KNDC1: variants seen among roughly 807,000 people sequenced by gnomAD.
The protein encoded by KNDC1 is kinase non-catalytic C-lobe domain-containing protein 1.
KNDC1 carries 106 observed loss-of-function variants against 172.8 expected under a neutral mutation model. The ratio of observed to expected loss-of-function variants is 0.61; its 90% CI spans 0.52 to 0.72. KNDC1 has a LOEUF of 0.72. KNDC1 is among the 30% of genes least tolerant of loss of function. The pLI is 0.00. For synonymous variants in KNDC1, 1,083 were observed against 1,062.2 expected (o/e 1.02, Z -0.38); for missense variants, 2,325 against 2,394.5 (o/e 0.97, Z 0.61).
At chr10:133,188,696 C>T in intron 7 of KNDC1, 43 bp downstream of exon 7, 1 of 1,089,696 alleles carries the variant, frequency 9.2e-7, no homozygotes, top group East Asian at 4.0e-5. Context: ...TCCCCACCCC[C>T]CACTGCTGTT....
chr10:133,185,189 G>A (rs530107263), intron 5 of KNDC1, among the ~76,000 whole-genome samples: 44 of 150,646 alleles, frequency 2.9e-4, no homozygotes, highest in African/African-American at 1.1e-3. Flanking sequence ...TGTGCAGTGT[G>A]GAGTAGGCAG....
At chr10:133,219,808 G>A in intron 28 of KNDC1, 147 bp from the exon 29 acceptor site, 2 of 766,526 alleles carry the variant, frequency 2.6e-6, no homozygotes, top group Non-Finnish European at 4.0e-6. Context: ...ATTCGGGACT[G>A]GAAGCTAATT....
chr10:133,192,433 A>G (rs1442505543), intron 9 of KNDC1, among the ~76,000 whole-genome samples: 1 of 152,222 alleles, frequency 6.6e-6, no homozygotes, highest in Admixed American at 6.5e-5. Context: ...GGAAGATGTC[A>G]AACTGAATGA....
At chr10:133,215,525 A>C (rs1361251787) in intron 26 of KNDC1, among the ~76,000 whole-genome samples, 1 of 152,232 alleles carries the variant, frequency 6.6e-6, no homozygotes, top group Admixed American at 6.5e-5. Context: ...CTTTCCTCAG[A>C]TCCATGGTTT....
rs1159241722 is a variant in KNDC1 at position 133,212,844 on chromosome 10, G to A, written c.4365G>A (p.Lys1455=). The A allele has an allele frequency of 6.2e-7, 1 of 1,613,872 alleles. No individual in the cohort carries two copies. Among genetic ancestry groups the A allele is most frequent in the African/African-American group, 1.3e-5 (1 of 74,934 alleles). The change falls in exon 24 of 30, where the codon AAG becomes AAA. Residue 1455 remains lysine, a synonymous_variant. Transcript: ENST00000304613. ...AGGACTTCTACGGCCCCTGCGCCAA[G>A]ACCAGTGAGAAGGGGCCCTACTTCC... The part of the protein sequence containing the change: ...FLEDFYGPCA[K]TSEKGPYFLT...
At chr10:133,165,756 C>T (rs536271750) in intron 1 of KNDC1, among the ~76,000 whole-genome samples, 2 of 152,262 alleles carry the variant, frequency 1.3e-5, no homozygotes, top group Admixed American at 6.5e-5. Flanking sequence ...TCACAGGCGT[C>T]GCTGGGAGCT....
intron 5 of KNDC1, among the ~76,000 whole-genome samples, 187 bp downstream of exon 5, chr10:133,184,176 GCACA>G (rs551669375): frequency 1.7e-5 from 2 of 120,744 alleles, no homozygotes; most frequent in East Asian, 2.4e-4. Context: ...ACACACCTAT[GCACA>G]CACACACCTA....
chr10:133,198,225 G>A (rs1854247968), intron 12 of KNDC1, 112 bp from the exon 13 acceptor site: 2 of 1,265,668 alleles, frequency 1.6e-6, no homozygotes, highest in African/African-American at 3.0e-5. Context: ...ATGCGGGAGG[G>A]GACGCGGCAC....
At chr10:133,219,760 A>G (rs1266757193) in intron 28 of KNDC1, among the ~76,000 whole-genome samples, 195 bp from the exon 29 acceptor site, 1 of 152,078 alleles carries the variant, frequency 6.6e-6, no homozygotes, top group African/African-American at 2.4e-5. Context: ...AAAGCTTAAG[A>G]CCCCGCAGGT....
chr10:133,217,768 C>A (rs1845497777), intron 26 of KNDC1, among the ~76,000 whole-genome samples: 1 of 151,638 alleles, frequency 6.6e-6, no homozygotes, highest in Non-Finnish European at 1.5e-5. Context: ...ACCTGCCTGG[C>A]CAATATGGTG....
At chr10:133,205,325 T>A (rs1325924094) in intron 17 of KNDC1, among the ~76,000 whole-genome samples, 1 of 152,168 alleles carries the variant, frequency 6.6e-6, no homozygotes, top group Non-Finnish European at 1.5e-5. Flanking sequence ...TGTCTGTGCA[T>A]GAAGCAGTGC....
At chr10:133,214,232 C>G (rs1438551699) in intron 26 of KNDC1, 110 bp downstream of exon 26, 1 of 1,196,578 alleles carries the variant, frequency 8.4e-7, no homozygotes, top group African/African-American at 1.5e-5. Flanking sequence ...ATGCAGTGAA[C>G]CCAACTCTGT....
chr10:133,181,780 C>T (rs1370336907), intron 3 of KNDC1, among the ~76,000 whole-genome samples: 3 of 151,338 alleles, frequency 2.0e-5, no homozygotes, highest in African/African-American at 7.3e-5. Flanking sequence ...GCTGGGTGTG[C>T]ACGTATGTGT....
chr10:133,182,885 A>G (rs2135971022), intron 3 of KNDC1, among the ~76,000 whole-genome samples: 1 of 142,388 alleles, frequency 7.0e-6, no homozygotes, highest in East Asian at 2.1e-4. Context: ...CGCAGGCGGC[A>G]AGGGCATGGG....
rs1306483585 is a variant in KNDC1, at chr10:133,168,283, G to A, written c.331G>A (p.Glu111Lys). The A allele has an allele frequency of 3.7e-6, 6 of 1,614,118 alleles. No homozygotes were observed. The highest frequency in any genetic ancestry group is 2.2e-5 in the South Asian group (2 of 91,072). Reference protein sequence around the residue: ...DDPEGAFVPPEFDVTGNTFEA... With the variant: ...DDPEGAFVPPKFDVTGNTFEA... ...CCCTGAGGGTGCCTTCGTTCCCCCC[G>A]AGTTCGACGTGACCGGGAACACCTT... Residue 111 changes from glutamate to lysine, a missense_variant, in exon 3 of 30, where the codon GAG (glutamate) becomes AAG (lysine). By Grantham distance (56) the Glu-to-Lys change is moderately conservative (BLOSUM62 1). Transcript: ENST00000304613.
intron 17 of KNDC1, among the ~76,000 whole-genome samples, chr10:133,205,318 C>T (rs1215338542): frequency 2.6e-5 from 4 of 152,206 alleles, no homozygotes; most frequent in South Asian, 2.1e-4. Context: ...CAGCTGCTGT[C>T]TGTGCATGAA....
At chr10:133,185,494 G>T (rs200357072) in intron 5 of KNDC1, among the ~76,000 whole-genome samples, 1,417 of 48,654 alleles carry the variant, frequency 0.029, 277 homozygotes, top group Middle Eastern at 0.058. Flanking sequence ...GTGTGGAGTA[G>T]GCAGTGTGTG....
intron 1 of KNDC1, among the ~76,000 whole-genome samples, chr10:133,164,583 ACTC>A (rs1591213374): frequency 6.6e-6 from 1 of 151,644 alleles, no homozygotes; most frequent in Non-Finnish European, 1.5e-5. Context: ...AGCCCATTAA[ACTC>A]CTGTCGAGGC....
chr10:133,224,585 G>A lies in KNDC1; in HGVS notation c.5019-74G>A, dbSNP rs184835241. On this transcript the variant is annotated intron_variant, in intron 29 of 29. Transcript: ENST00000304613. The surrounding 1 kb of genome is among the most constrained non-coding windows in gnomAD (Gnocchi z 5.4). ...TAGTCCAAATGATTCCTAAGAACGC[G>A]GGGGGACTCCCTCCCCACGGAAGCC... 3.5e-5 allele frequency: 37 copies of A among 1,044,038 alleles called. No homozygotes were observed. The highest frequency in any genetic ancestry group is 2.1e-4 in the African/African-American group (13 of 62,838). The allele number at this position is 1,044,038 out of a possible 1,614,324, so 64.7% of individuals were successfully genotyped here.
Sources: gnomAD v4.1 joint callset for allele counts (sites outside exome capture counted in the v4.1 genomes callset) on GRCh38, gnomAD v4.1.1 for gene constraint, Gnocchi (gnomAD v3.1) non-coding constraint, MANE v1.5 for transcripts, NCBI Gene and HGNC (gene_info 2026-07-23, HGNC 2026-07-21) for gene names.